The following LYN variants were observed in gnomAD, a reference collection of about 807,000 sequenced individuals.
LYN encodes tyrosine-protein kinase Lyn.
A neutral mutation model predicts 65.0 loss-of-function variants in LYN; 12 were observed. The ratio of observed to expected loss-of-function variants is 0.18; its 90% CI spans 0.12 to 0.30. The LOEUF (loss-of-function observed/expected upper bound fraction) is 0.30, where lower values mean the gene tolerates loss of function less well. LYN is among the 10% of genes least tolerant of loss of function. LYN has a pLI of 1.00. For synonymous variants in LYN, 222 were observed against 221.2 expected (o/e 1.00, Z -0.03); for missense variants, 380 against 623.2 (o/e 0.61, Z 4.16).
intron 8 of LYN, among the ~76,000 whole-genome samples, chr8:55,954,270 C>T (rs944542425): frequency 6.6e-6 from 1 of 152,138 alleles, no homozygotes; most frequent in Non-Finnish European, 1.5e-5. Context: ...TCCCTCATCG[C>T]CAGATTCTCT....
intron 10 of LYN, among the ~76,000 whole-genome samples, chr8:55,995,850 G>A (rs1808360640): frequency 6.6e-6 from 1 of 152,222 alleles, no homozygotes; most frequent in South Asian, 2.1e-4. Flanking sequence ...CCACTCGGAA[G>A]TGAAATACTG....
At position 56,003,994 on chromosome 8, in the gene LYN, G is replaced by A. The variant is rs571951116; in HGVS notation, c.1336+4445G>A. 5.2e-4 allele frequency among the ~76,000 whole-genome samples: 73 copies of A among 139,062 alleles called. 1 individual carries two copies. Among genetic ancestry groups the A allele is most frequent in the African/African-American group, 1.8e-3 (66 of 37,506 alleles). 91.2% of individuals were successfully genotyped at this position (139,062 alleles called of 152,430 possible). A position where few individuals can be genotyped will look rare whatever the true frequency, so the allele number is the denominator to read the frequency against. On this transcript the variant is annotated intron_variant, in intron 12 of 12. Coordinates refer to ENST00000519728, the MANE Select transcript of LYN (RefSeq NM_002350.4). Reference sequence around the variant, plus strand: ...GTTGCCCAGGCTGGAGTGCAATGGCGCCATCTCACCTCACTGCAACCTCCT... The same window carrying A: ...GTTGCCCAGGCTGGAGTGCAATGGCACCATCTCACCTCACTGCAACCTCCT...
intron 12 of LYN, among the ~76,000 whole-genome samples, chr8:55,999,864 G>A (rs1162182177): frequency 1.3e-5 from 2 of 151,866 alleles, no homozygotes; most frequent in African/African-American, 2.4e-5. Context: ...CCAGCTACTC[G>A]GGAGGCTGAG....
chr8:55,909,947 CT>C (rs1293193080), intron 1 of LYN, among the ~76,000 whole-genome samples: 5 of 143,584 alleles, frequency 3.5e-5, no homozygotes, highest in Admixed American at 1.4e-4. Context: ...TATTCATGTT[CT>C]TTGCCCACTT....
At chr8:55,905,201 A>G (rs531094589) in intron 1 of LYN, among the ~76,000 whole-genome samples, 23 of 152,190 alleles carry the variant, frequency 1.5e-4, no homozygotes, top group Non-Finnish European at 3.1e-4. Context: ...ACCTGAGGTC[A>G]GGAGTTCAAG....
intron 10 of LYN, among the ~76,000 whole-genome samples, chr8:55,987,835 C>G (rs748333116): frequency 2.0e-5 from 3 of 152,194 alleles, no homozygotes; most frequent in Non-Finnish European, 2.9e-5. Flanking sequence ...AAATTGTAAC[C>G]TCTCCAAGAC....
chr8:55,912,739 A>T (rs1205587537), intron 1 of LYN, among the ~76,000 whole-genome samples: 1 of 29,630 alleles, frequency 3.4e-5, no homozygotes, highest in African/African-American at 1.3e-4. Flanking sequence ...AAAAAAAAAC[A>T]AAACAAAACA....
Position 55,966,887 on chromosome 8 carries a change from C to T in LYN, c.963C>T (p.Tyr321=). 6.2e-7 allele frequency: 1 copy of T among 1,613,590 alleles called. No individual in the cohort carries two copies. The highest frequency in any genetic ancestry group is 8.5e-7 in the Non-Finnish European group (1 of 1,179,770). The change falls in exon 9 of 13, where the codon TAC becomes TAT. Residue 321 remains tyrosine, a synonymous_variant. Transcript: ENST00000519728. ...REEPIYIITE[Y]MAKGSLLDFL... ...AGCCCATTTACATCATCACCGAGTA[C>T]ATGGCCAAGGGTGAGTTCCTCCCAC...
chr8:55,885,517 T>G (rs1191721574), intron 1 of LYN, among the ~76,000 whole-genome samples: 1 of 152,200 alleles, frequency 6.6e-6, no homozygotes, highest in Non-Finnish European at 1.5e-5. Context: ...GGGGAGGTCT[T>G]CGTGTGGTCT....
intron 8 of LYN, among the ~76,000 whole-genome samples, chr8:55,965,247 G>T (rs960660754): frequency 6.6e-6 from 1 of 152,154 alleles, no homozygotes; most frequent in Admixed American, 6.5e-5. Flanking sequence ...TGTTCCATGC[G>T]GTGTAAGAGG....
At chr8:55,883,832 G>A (rs1279460443) in intron 1 of LYN, among the ~76,000 whole-genome samples, 1 of 151,978 alleles carries the variant, frequency 6.6e-6, no homozygotes, top group African/African-American at 2.4e-5. Flanking sequence ...TGATAATGAA[G>A]AGAAGAACAT....
intron 12 of LYN, among the ~76,000 whole-genome samples, chr8:56,003,188 T>C (rs1169197203): frequency 6.6e-6 from 1 of 151,754 alleles, no homozygotes; most frequent in Non-Finnish European, 1.5e-5. Context: ...GCCTCCCAAG[T>C]AGCTGGGACT....
At chr8:55,942,311 G>A (rs983129331) in intron 2 of LYN, among the ~76,000 whole-genome samples, 1 of 138,928 alleles carries the variant, frequency 7.2e-6, no homozygotes, top group Non-Finnish European at 1.6e-5. Context: ...GTATATATGT[G>A]TATATATGTA....
chr8:55,921,388 A>C (rs775110974), intron 1 of LYN, among the ~76,000 whole-genome samples: 21 of 152,326 alleles, frequency 1.4e-4, no homozygotes, highest in Middle Eastern at 6.8e-3. Flanking sequence ...TCGAGGAGAG[A>C]GCTATACACG....
rs1563526105 is a variant in LYN at position 55,952,053 on chromosome 8, G to A, written c.575G>A (p.Gly192Asp). ...HYKIRSLDNG[G>D]YYISPRITFP... Reference sequence around the variant, plus strand: ...AAAATTAGAAGTCTGGATAATGGGGGCTATTACATCTCTCCACGAATCACT... The same window carrying A: ...AAAATTAGAAGTCTGGATAATGGGGACTATTACATCTCTCCACGAATCACT... The change falls in exon 7 of 13, where the codon GGC becomes GAC. Residue 192 changes from glycine (G) to aspartate (D), a missense_variant. By Grantham distance (94) the Gly-to-Asp change is moderately conservative. Around this residue, in one of 2 missense-constraint regions of LYN, gnomAD observed 223 missense variants for 430.0 expected, o/e 0.52. Transcript: ENST00000519728. 6.2e-7 allele frequency: 1 copy of A among 1,610,884 alleles called. No homozygotes were observed. The highest frequency in any genetic ancestry group is 8.5e-7 in the Non-Finnish European group (1 of 1,178,980).
At position 55,998,495 on chromosome 8, in the gene LYN, G is replaced by A; in HGVS notation, c.1200G>A (p.Arg400=). 6.2e-7 allele frequency: 1 copy of A among 1,609,942 alleles called. No individual in the cohort carries two copies. Among genetic ancestry groups the A allele is most frequent in the African/African-American group, 1.3e-5 (1 of 74,992 alleles). ...RVIEDNEYTA[R]EGAKFPIKWT... Reference sequence around the variant, plus strand: ...TTGAAGATAATGAGTACACAGCAAGGGAAGGTATGTTGCACTAATGATCTT... The same window carrying A: ...TTGAAGATAATGAGTACACAGCAAGAGAAGGTATGTTGCACTAATGATCTT... The change falls in exon 11 of 13, where the codon AGG becomes AGA. Residue 400 remains arginine, a synonymous_variant. Transcript: ENST00000519728.
At chr8:55,880,982 C>A (rs1232982492) in intron 1 of LYN, among the ~76,000 whole-genome samples, 1 of 152,144 alleles carries the variant, frequency 6.6e-6, no homozygotes, top group African/African-American at 2.4e-5. Context: ...CCTTCTTCGC[C>A]AGCTCAGAAT....
chr8:55,889,917 G>A (rs1804903912), intron 1 of LYN, among the ~76,000 whole-genome samples: 1 of 152,064 alleles, frequency 6.6e-6, no homozygotes, highest in African/African-American at 2.4e-5. Context: ...CTAGGTTACA[G>A]TGGATTCCAA....
At chr8:55,903,346 G>T in intron 1 of LYN, among the ~76,000 whole-genome samples, 1 of 152,190 alleles carries the variant, frequency 6.6e-6, no homozygotes, top group East Asian at 1.9e-4. Context: ...CTTCTTTGAG[G>T]TGTTTATTTG....
Sources: allele counts gnomAD v4.1 joint callset (sites outside exome capture counted in the v4.1 genomes callset), GRCh38; gene constraint gnomAD v4.1.1; regional missense constraint gnomAD v4.1.1; transcripts MANE v1.5; gene names NCBI Gene and HGNC (gene_info 2026-07-23, HGNC 2026-07-21).